BRAF: variants seen among roughly 807,000 people sequenced by gnomAD.
The protein encoded by BRAF is B-Raf proto-oncogene, serine/threonine kinase.
In BRAF, 16 loss-of-function variants were observed where a neutral mutation model predicts 104.6. The observed-to-expected ratio is 0.15, with a 90% CI of 0.10 to 0.23. BRAF has a LOEUF of 0.23. Among genes scored for constraint, BRAF ranks in the 10% least tolerant of loss-of-function variants. The pLI, the probability that BRAF is intolerant of heterozygous loss-of-function variation, is 1.00. For missense variants in BRAF, 541 were observed against 937.3 expected (o/e 0.58, Z 5.52); for synonymous variants, 310 against 341.6 (o/e 0.91, Z 1.02).
At chr7:140,738,770 C>T (rs983533048) in intron 18 of BRAF, among the ~76,000 whole-genome samples, 8 of 152,108 alleles carry the variant, frequency 5.3e-5, no homozygotes, top group Non-Finnish European at 1.2e-4. Flanking sequence ...GCTCCTGCCA[C>T]TATGCCCAGC....
intron 2 of BRAF, among the ~76,000 whole-genome samples, chr7:140,836,504 T>A (rs893330889): frequency 7.2e-6 from 1 of 139,178 alleles, no homozygotes; most frequent in Non-Finnish European, 1.5e-5. Flanking sequence ...CGGGGAATAG[T>A]AACAAGAGCT....
intron 9 of BRAF, among the ~76,000 whole-genome samples, chr7:140,787,083 C>T (rs1040360423): frequency 6.6e-6 from 1 of 151,830 alleles, no homozygotes; most frequent in East Asian, 1.9e-4. Flanking sequence ...GGGCGGATCA[C>T]GAGGTCAGGA....
intron 1 of BRAF, among the ~76,000 whole-genome samples, chr7:140,907,342 A>G (rs1330812283): frequency 6.6e-6 from 1 of 151,648 alleles, no homozygotes; most frequent in African/African-American, 2.4e-5. Context: ...GCTCACTGCA[A>G]GCTCCACCTC....
chr7:140,874,591 T>C (rs533837084), intron 1 of BRAF, among the ~76,000 whole-genome samples: 1 of 151,432 alleles, frequency 6.6e-6, no homozygotes, highest in South Asian at 2.1e-4. Flanking sequence ...CTCAGTTTTT[T>C]CCCCTCACTT....
chr7:140,778,512 T>TA (rs1800542823), intron 12 of BRAF, among the ~76,000 whole-genome samples: 1 of 152,096 alleles, frequency 6.6e-6, no homozygotes, highest in African/African-American at 2.4e-5. Flanking sequence ...TCAGAGTAGT[T>TA]AACATTTTTT....
intron 1 of BRAF, among the ~76,000 whole-genome samples, chr7:140,861,460 T>C (rs1243693447): frequency 6.6e-6 from 1 of 152,232 alleles, no homozygotes; most frequent in African/African-American, 2.4e-5. Flanking sequence ...AGTACACATA[T>C]GATCTCTACA....
chr7:140,773,018 A>G (rs569492196), intron 14 of BRAF, among the ~76,000 whole-genome samples: 1 of 152,266 alleles, frequency 6.6e-6, no homozygotes, highest in African/African-American at 2.4e-5. Context: ...CTGCTGTTAC[A>G]TGAATGTTCC....
chr7:140,720,456 A>T lies in BRAF; in HGVS notation c.*6038T>A. 9.4e-7 allele frequency: 1 copy of T among 1,063,650 alleles called. No individual in the cohort carries two copies. The highest frequency in any genetic ancestry group is 1.1e-6 in the Non-Finnish European group (1 of 878,300). 65.9% of individuals were successfully genotyped at this position (1,063,650 alleles called of 1,614,324 possible). A position where few individuals can be genotyped will look rare whatever the true frequency, so the allele number is the denominator to read the frequency against. On this transcript the variant is annotated 3_prime_UTR_variant, in exon 20 of 20. Coordinates refer to ENST00000644969, the MANE Select transcript of BRAF (RefSeq NM_001374258.1). ...CTAGCCACTTACGTTGGTCATTAAC[A>T]TGAATAAAAAGGCATTATATGTTGA...
intron 7 of BRAF, among the ~76,000 whole-genome samples, chr7:140,797,908 T>C (rs1377977475): frequency 6.6e-6 from 1 of 152,198 alleles, no homozygotes; most frequent in Admixed American, 6.5e-5. Flanking sequence ...CAAGTAGTGA[T>C]AGAGCCAACG....
chr7:140,861,016 A>G (rs1366488964), intron 1 of BRAF, among the ~76,000 whole-genome samples: 3 of 152,246 alleles, frequency 2.0e-5, no homozygotes, highest in African/African-American at 7.2e-5. Context: ...ATATTTATCA[A>G]CATGAATACA....
chr7:140,905,922 A>C (rs1379813976), intron 1 of BRAF, among the ~76,000 whole-genome samples: 1 of 150,010 alleles, frequency 6.7e-6, no homozygotes, highest in Non-Finnish European at 1.5e-5. Flanking sequence ...CCCCGTCTCT[A>C]CTAAAAATAC....
intron 14 of BRAF, among the ~76,000 whole-genome samples, chr7:140,760,858 G>A (rs560853643): frequency 3.3e-5 from 5 of 152,220 alleles, no homozygotes; most frequent in African/African-American, 1.2e-4. Context: ...AAAAAGAAAC[G>A]AACAAAGCCT....
Position 140,783,146 on chromosome 7 carries a change from C to A in BRAF, c.1309G>T (p.Gly437Cys), listed in dbSNP as rs760702929. Residue 437 changes from glycine to cysteine, a missense_variant, in exon 11 of 20, where the codon GGT becomes TGT. Around this residue, in one of 10 missense-constraint regions of BRAF, gnomAD observed 109 missense variants for 143.9 expected, o/e 0.76. Transcript: ENST00000644969. Reference sequence around the variant, plus strand: ...GAGGCAGGGGGGGTAGCAGACAAACCTGTGGTTGATCCTAAATTAGTGAAA... The same window carrying A: ...GAGGCAGGGGGGGTAGCAGACAAACATGTGGTTGATCCTAAATTAGTGAAA... Reference protein sequence around the residue: ...PGPVFRGSTTGLSATPPASLP... With the variant: ...PGPVFRGSTTCLSATPPASLP... 2.5e-6 allele frequency: 4 copies of A among 1,613,904 alleles called. No individual in the cohort carries two copies. The South Asian group carries it at 4.4e-5, about 18-fold the overall frequency.
Position 140,721,104 on chromosome 7 carries a change from T to C in BRAF, c.*5390A>G. 1.9e-6 allele frequency: 2 copies of C among 1,064,586 alleles called. No homozygotes were observed. The highest frequency in any genetic ancestry group is 2.3e-6 in the Non-Finnish European group (2 of 878,854). The allele number at this position is 1,064,586 out of a possible 1,614,324, so 65.9% of individuals were successfully genotyped here. ...AAAAAATGCACCTCTAAAAAATGGA[T>C]ACACTGGCTTACATTGGCTGTGTCC... is the stretch of plus-strand genomic sequence containing the variant. On this transcript the variant is annotated 3_prime_UTR_variant, in exon 20 of 20. Transcript: ENST00000644969.
chr7:140,790,908 A>G (rs781343774), intron 8 of BRAF, among the ~76,000 whole-genome samples: 5 of 152,160 alleles, frequency 3.3e-5, no homozygotes, highest in Non-Finnish European at 7.4e-5. Context: ...GGAGTTCAGG[A>G]CCAGCTTGGC....
At chr7:140,731,299 A>G (rs1244387805) in intron 19 of BRAF, 1 of 152,264 alleles carries the variant, frequency 6.6e-6, no homozygotes, top group African/African-American at 2.4e-5. Context: ...TTACAGCGTG[A>G]GCCACTACGC....
chr7:140,726,272 G>A lies in BRAF; in HGVS notation c.*222C>T, dbSNP rs1211107326. 4.2e-5 allele frequency: 59 copies of A among 1,408,448 alleles called. No individual in the cohort carries two copies. Among genetic ancestry groups the A allele is most frequent in the Non-Finnish European group, 4.6e-5 (50 of 1,088,430 alleles). 87.2% of individuals were successfully genotyped at this position (1,408,448 alleles called of 1,614,324 possible). ...GACTGGGCAGACTTGTATGCTCGTG[G>A]TATTTTTGTTGAAGAAACACTGGCA... On this transcript the variant is annotated 3_prime_UTR_variant, in exon 20 of 20. Coordinates refer to ENST00000644969, the MANE Select transcript of BRAF (RefSeq NM_001374258.1).
intron 1 of BRAF, among the ~76,000 whole-genome samples, chr7:140,875,188 T>C (rs985074086): frequency 6.6e-6 from 1 of 152,184 alleles, no homozygotes; most frequent in African/African-American, 2.4e-5. Flanking sequence ...AACATCTGTG[T>C]CAGTGAACTT....
chr7:140,716,387 G>T (rs1795130579), downstream of BRAF, among the ~76,000 whole-genome samples: 1 of 152,208 alleles, frequency 6.6e-6, no homozygotes, highest in South Asian at 2.1e-4. Flanking sequence ...AAAGCTCTTA[G>T]AACTAGGCCT....
Sources: allele counts gnomAD v4.1 joint callset (sites outside exome capture counted in the v4.1 genomes callset), GRCh38; gene constraint gnomAD v4.1.1; regional missense constraint gnomAD v4.1.1; transcripts MANE v1.5; gene names NCBI Gene and HGNC (gene_info 2026-07-23, HGNC 2026-07-21).